KCNMB2: variants seen among roughly 807,000 people sequenced by gnomAD.
KCNMB2 encodes the protein potassium calcium-activated channel subfamily M regulatory beta subunit 2, also known as calcium-activated potassium channel subunit beta-2.
Under a neutral mutation model 24.5 loss-of-function variants are expected in KCNMB2, and 9 were observed. The observed-to-expected ratio is 0.37, with a 90% CI of 0.22 to 0.64. The LOEUF is 0.64. KCNMB2 is among the 30% of genes least tolerant of loss of function. The pLI, the probability that KCNMB2 is intolerant of heterozygous loss-of-function variation, is 0.63. For missense variants in KCNMB2, 226 were observed against 284.3 expected (o/e 0.79, Z 1.47); for synonymous variants, 109 against 104.4 (o/e 1.04, Z -0.27).
At chr3:178,626,872 T>C (rs981100270) in intron 1 of KCNMB2, among the ~76,000 whole-genome samples, 1 of 148,926 alleles carries the variant, frequency 6.7e-6, no homozygotes, top group African/African-American at 2.4e-5. Flanking sequence ...AGAGAATAAG[T>C]ATATATGTAA....
chr3:178,674,001 T>TA (rs1720989849), intron 1 of KCNMB2, among the ~76,000 whole-genome samples: 1 of 152,206 alleles, frequency 6.6e-6, no homozygotes, highest in African/African-American at 2.4e-5. Context: ...TTAAACGAAA[T>TA]ATCAATTCCT....
chr3:178,825,399 C>T (rs997447077), intron 2 of KCNMB2, among the ~76,000 whole-genome samples, 189 bp from the exon 3 acceptor site: 6 of 152,106 alleles, frequency 3.9e-5, no homozygotes, highest in African/African-American at 1.4e-4. Context: ...TACAAGCGTG[C>T]ATGTGCTTGT....
chr3:178,713,507 G>A (rs576345148), intron 1 of KCNMB2, among the ~76,000 whole-genome samples: 77 of 152,270 alleles, frequency 5.1e-4, no homozygotes, highest in African/African-American at 1.8e-3. Context: ...TATAGATCTG[G>A]TCCAACAAAT....
chr3:178,818,913 A>G (rs1714512298), intron 2 of KCNMB2, among the ~76,000 whole-genome samples: 1 of 141,368 alleles, frequency 7.1e-6, no homozygotes, highest in African/African-American at 3.0e-5. Flanking sequence ...CTATTCTCTT[A>G]TATTCTGCCT....
At chr3:178,826,811 G>A (rs1459324206) in intron 3 of KCNMB2, among the ~76,000 whole-genome samples, 1 of 152,128 alleles carries the variant, frequency 6.6e-6, no homozygotes, top group Non-Finnish European at 1.5e-5. Context: ...TCACATTTGT[G>A]GCTGCTCTGC....
chr3:178,674,687 C>T (rs574475066), intron 1 of KCNMB2, among the ~76,000 whole-genome samples: 8 of 152,174 alleles, frequency 5.3e-5, no homozygotes, highest in African/African-American at 1.9e-4. Flanking sequence ...AACAGGCAAG[C>T]CAGATCATGG....
At chr3:178,599,954 T>G (rs1409623899) in intron 1 of KCNMB2, among the ~76,000 whole-genome samples, 1 of 152,188 alleles carries the variant, frequency 6.6e-6, no homozygotes, top group Non-Finnish European at 1.5e-5. Context: ...CTTGGCTCAC[T>G]ACAATCTCCA....
intron 1 of KCNMB2, among the ~76,000 whole-genome samples, chr3:178,768,687 G>C (rs1712222964): frequency 3.3e-5 from 5 of 152,056 alleles, no homozygotes; most frequent in Admixed American, 3.3e-4. Context: ...TTCCCTAAAG[G>C]AGCTCTGCCC....
chr3:178,737,407 A>G (rs1345486872), intron 1 of KCNMB2, among the ~76,000 whole-genome samples: 3 of 152,242 alleles, frequency 2.0e-5, no homozygotes, highest in Non-Finnish European at 4.4e-5. Flanking sequence ...ACTTTTTAAC[A>G]AACCACAGCC....
chr3:178,574,759 C>T (rs975612331), intron 1 of KCNMB2, among the ~76,000 whole-genome samples: 2 of 152,150 alleles, frequency 1.3e-5, no homozygotes, highest in African/African-American at 4.8e-5. Context: ...ATACAATGTA[C>T]ACAATTTAAA....
intron 1 of KCNMB2, among the ~76,000 whole-genome samples, chr3:178,786,565 C>T (rs1389712883): frequency 2.0e-5 from 3 of 152,178 alleles, no homozygotes; most frequent in Admixed American, 6.6e-5. Flanking sequence ...ACTTTCATTT[C>T]GCCTTCCCAT....
At position 178,828,402 on chromosome 3, in the gene KCNMB2, T is replaced by C. The variant is rs1439654801; in HGVS notation, c.423+29T>C. On this transcript the variant is annotated intron_variant, in intron 4 of 4. Coordinates refer to ENST00000452583, the MANE Select transcript of KCNMB2 (RefSeq NM_181361.3). ...GGAACTTGGCGTACTGCATTTCAGT[T>C]ACCCCACAGAGCTTCACACCAGGCT... 5.2e-6 allele frequency: 8 copies of C among 1,552,812 alleles called. No homozygotes were observed. The South Asian group carries it at 6.9e-5, about 13-fold the overall frequency.
intron 1 of KCNMB2, among the ~76,000 whole-genome samples, chr3:178,702,090 T>C (rs1320977219): frequency 6.6e-6 from 1 of 151,964 alleles, no homozygotes; most frequent in Non-Finnish European, 1.5e-5. Flanking sequence ...CACCATGGAA[T>C]ACTATGCAGC....
intron 1 of KCNMB2, among the ~76,000 whole-genome samples, chr3:178,616,503 C>T (rs1268582861): frequency 6.6e-6 from 1 of 152,172 alleles, no homozygotes; most frequent in African/African-American, 2.4e-5. Flanking sequence ...CCCCCAGCAT[C>T]CAGAGACACT....
At chr3:178,698,429 T>G (rs1056437422) in intron 1 of KCNMB2, among the ~76,000 whole-genome samples, 5 of 152,240 alleles carry the variant, frequency 3.3e-5, no homozygotes, top group African/African-American at 1.2e-4. Context: ...ATACTTGTGA[T>G]TGCATTATTA....
chr3:178,768,354 A>T (rs1367571498), intron 1 of KCNMB2, among the ~76,000 whole-genome samples: 1 of 152,076 alleles, frequency 6.6e-6, no homozygotes, highest in Admixed American at 6.6e-5. Context: ...TACACTCTCC[A>T]TCATACTCTC....
intron 1 of KCNMB2, among the ~76,000 whole-genome samples, chr3:178,701,423 T>C (rs1252141991): frequency 6.6e-6 from 1 of 152,222 alleles, no homozygotes; most frequent in African/African-American, 2.4e-5. Flanking sequence ...TGGCTTAGGA[T>C]TGACTTGGCA....
chr3:178,717,907 TC>T (rs2108355481), intron 1 of KCNMB2, among the ~76,000 whole-genome samples: 1 of 151,264 alleles, frequency 6.6e-6, no homozygotes, highest in Non-Finnish European at 1.5e-5. Context: ...AAAAAAGGCA[TC>T]TTCACCTTTG....
At chr3:178,731,761 G>A (rs749310471) in intron 1 of KCNMB2, among the ~76,000 whole-genome samples, 9 of 152,190 alleles carry the variant, frequency 5.9e-5, no homozygotes, top group Non-Finnish European at 1.3e-4. Context: ...AAATGAGCCT[G>A]CCATGGTGGC....
Sources: allele counts gnomAD v4.1 joint callset (sites outside exome capture counted in the v4.1 genomes callset), GRCh38; gene constraint gnomAD v4.1.1; transcripts MANE v1.5; gene names NCBI Gene and HGNC (gene_info 2026-07-23, HGNC 2026-07-21).